The following HMCN1 variants were observed in gnomAD, a reference collection of about 807,000 sequenced individuals.
HMCN1 encodes the protein hemicentin-1.
A neutral mutation model predicts 625.9 loss-of-function variants in HMCN1; 321 were observed. That is an observed-to-expected ratio of 0.51 (90% confidence interval 0.47 to 0.56). The LOEUF (loss-of-function observed/expected upper bound fraction) is 0.56, where lower values mean the gene tolerates loss of function less well. Ranked by LOEUF, HMCN1 falls within the 20% of genes least tolerant of loss-of-function variation. The probability of loss-of-function intolerance (pLI) is 0.00; values close to 1 mark genes in which losing one functional copy is unlikely to be tolerated. For synonymous variants in HMCN1, 2,425 were observed against 2,417.6 expected (o/e 1.00, Z -0.09); for missense variants, 6,588 against 6,887.3 (o/e 0.96, Z 1.54).
At chr1:185,893,018 C>T (rs1015179892) in intron 4 of HMCN1, among the ~76,000 whole-genome samples, 9 of 152,158 alleles carry the variant, frequency 5.9e-5, no homozygotes, top group Non-Finnish European at 8.8e-5. Context: ...CGTGGTGCGC[C>T]GTTTTTTAAG....
Position 186,128,252 on chromosome 1 carries a change from C to A in HMCN1, c.12865C>A (p.Pro4289Thr). 1 of 1,613,414 alleles carries A rather than the reference C, an allele frequency of 6.2e-7. No individual in the cohort carries two copies. The highest frequency in any genetic ancestry group is 8.5e-7 in the Non-Finnish European group (1 of 1,179,618). Residue 4289 changes from proline (P) to threonine (T), a missense_variant, in exon 83 of 107, where the codon CCC becomes ACC. Pro to Thr is a conservative substitution (Grantham distance 38). This residue lies in a region of HMCN1 where 1,954 missense variants were observed against 2,013.1 expected (regional missense o/e 0.97). Transcript: ENST00000271588. ...CTGTAAAGCTACTGGTATTCCATTGCCCAAATTAACATGGACCTTCAATAA... is the reference window on the plus strand; with the variant it reads ...CTGTAAAGCTACTGGTATTCCATTGACCAAATTAACATGGACCTTCAATAA... ...LSCKATGIPL[P>T]KLTWTFNNNI...
Position 186,172,069 on chromosome 1 carries a change from G to T in HMCN1, c.15752G>T (p.Gly5251Val). 1 of 1,613,824 alleles carries T rather than the reference G, an allele frequency of 6.2e-7. No homozygotes were observed. Among genetic ancestry groups the T allele is most frequent in the Non-Finnish European group, 8.5e-7 (1 of 1,179,750 alleles). ...PDQHCKNTRG[G>V]YKCIDLCPNG... ...CAGCACTGTAAGAACACCCGTGGTGGCTATAAGTGCATTGATCTTTGTCCA... is the reference window on the plus strand; with the variant it reads ...CAGCACTGTAAGAACACCCGTGGTGTCTATAAGTGCATTGATCTTTGTCCA... The change falls in exon 102 of 107, where the codon GGC becomes GTC. Residue 5251 changes from glycine to valine, a missense_variant. Coordinates refer to ENST00000271588, the MANE Select transcript of HMCN1 (RefSeq NM_031935.3).
chr1:185,977,332 T>C (rs1651289421), intron 15 of HMCN1, among the ~76,000 whole-genome samples: 1 of 152,144 alleles, frequency 6.6e-6, no homozygotes, highest in Admixed American at 6.6e-5. Flanking sequence ...TGTTATATAG[T>C]GATTATAGAA....
rs1368599080 is a variant in HMCN1, at chr1:186,078,077, G to A, written c.8486-30G>A. ...GGCTTGTGTTCACTCTAAGATTAGA[G>A]GAGTAAACATAGTGGGATATTATTT... On this transcript the variant is annotated intron_variant, in intron 54 of 106. Transcript: ENST00000271588. 6 of 1,486,140 alleles carry A rather than the reference G, an allele frequency of 4.0e-6. No individual in the cohort carries two copies. The Admixed American group carries it at 8.5e-5, about 21-fold the overall frequency. The allele number at this position is 1,486,140 out of a possible 1,614,324, so 92.1% of individuals were successfully genotyped here.
chr1:186,007,631 G>A (rs1653728806), intron 30 of HMCN1, among the ~76,000 whole-genome samples: 1 of 152,204 alleles, frequency 6.6e-6, no homozygotes, highest in African/African-American at 2.4e-5. Context: ...TTATGAAATA[G>A]AATGAAGTTG....
At chr1:185,847,320 C>T (rs1449322754) in intron 2 of HMCN1, among the ~76,000 whole-genome samples, 1 of 152,162 alleles carries the variant, frequency 6.6e-6, no homozygotes, top group African/African-American at 2.4e-5. Context: ...AGCCACCTAA[C>T]TCAAATGGAC....
intron 36 of HMCN1, among the ~76,000 whole-genome samples, chr1:186,027,828 C>T (rs1655159201): frequency 6.6e-6 from 1 of 152,076 alleles, no homozygotes; most frequent in African/African-American, 2.4e-5. Flanking sequence ...AGTAGAGCAC[C>T]CCTTATTTTT....
intron 22 of HMCN1, 51 bp downstream of exon 22, chr1:185,990,494 G>T (rs764156504): frequency 6.7e-7 from 1 of 1,495,414 alleles, no homozygotes; most frequent in Non-Finnish European, 9.3e-7. Flanking sequence ...TCAACCTCTT[G>T]GGACAGATGG....
At chr1:186,068,118 T>G in intron 50 of HMCN1, 111 bp downstream of exon 50, 1 of 1,075,894 alleles carries the variant, frequency 9.3e-7, no homozygotes, top group Non-Finnish European at 1.4e-6. Context: ...TTGGTTGTGT[T>G]ATGTTCTGTG....
Position 186,048,811 on chromosome 1 carries a change from T to G in HMCN1, c.6549T>G (p.Thr2183=). The change falls in exon 42 of 107, where the codon ACT becomes ACG. Residue 2183 remains threonine, a synonymous_variant. Transcript: ENST00000271588. ...AAGCAACAAATGTTGCTGGAAAAACTGAAAAAAACTACAATGTCAACATTT... is the reference window on the plus strand; with the variant it reads ...AAGCAACAAATGTTGCTGGAAAAACGGAAAAAAACTACAATGTCAACATTT... ...TCEATNVAGK[T]EKNYNVNIWV... 1 of 1,610,060 alleles carries G rather than the reference T, an allele frequency of 6.2e-7. No homozygotes were observed. The highest frequency in any genetic ancestry group is 8.5e-7 in the Non-Finnish European group (1 of 1,177,076).
Position 186,041,036 on chromosome 1 carries a change from A to G in HMCN1, c.6204A>G (p.Leu2068=), listed in dbSNP as rs781546424. 31 of 1,612,968 alleles carry G rather than the reference A, an allele frequency of 1.9e-5. No homozygotes were observed. Among genetic ancestry groups the G allele is most frequent in the Non-Finnish European group, 2.6e-5 (31 of 1,179,160 alleles). The change falls in exon 40 of 107, where the codon CTA becomes CTG. Residue 2068 remains leucine (L), a synonymous_variant. Coordinates refer to ENST00000271588, the MANE Select transcript of HMCN1 (RefSeq NM_031935.3). ...AGGTTCTCTCTGGTGGTCGAATCCT[A>G]GCATTGACCAGTGCACAAATCAGCG... ...GLQVLSGGRI[L]ALTSAQISDT...
chr1:185,883,885 T>A (rs1664464050), intron 4 of HMCN1, among the ~76,000 whole-genome samples: 1 of 142,036 alleles, frequency 7.0e-6, no homozygotes, highest in African/African-American at 2.8e-5. Context: ...CATGATTTTT[T>A]TTTTTTTTTT....
intron 4 of HMCN1, among the ~76,000 whole-genome samples, chr1:185,888,358 G>C (rs1403739543): frequency 7.0e-6 from 1 of 143,752 alleles, no homozygotes; most frequent in East Asian, 1.9e-4. Context: ...ATTGCTTTTG[G>C]TGTTTTAGAC....
At chr1:186,151,127 G>A in intron 93 of HMCN1, 73 bp from the exon 94 acceptor site, 3 of 1,424,942 alleles carry the variant, frequency 2.1e-6, no homozygotes, top group Non-Finnish European at 3.0e-6. Context: ...TCTGAATACT[G>A]GCCCTCTTTT....
intron 69 of HMCN1, among the ~76,000 whole-genome samples, chr1:186,104,094 T>TTTA (rs1437041676): frequency 2.0e-5 from 3 of 152,164 alleles, no homozygotes; most frequent in Non-Finnish European, 4.4e-5. Flanking sequence ...TAATGATCAG[T>TTTA]TTAATAAAAT....
intron 2 of HMCN1, among the ~76,000 whole-genome samples, chr1:185,855,096 A>G (rs1263151087): frequency 1.3e-5 from 2 of 152,188 alleles, no homozygotes; most frequent in African/African-American, 2.4e-5. Context: ...CAGAGCAAGT[A>G]TAGGTATGGT....
At chr1:186,011,192 C>T (rs1036027791) in intron 30 of HMCN1, among the ~76,000 whole-genome samples, 9 of 152,032 alleles carry the variant, frequency 5.9e-5, no homozygotes, top group Non-Finnish European at 1.0e-4. Flanking sequence ...ATTACAGGTG[C>T]CCACTACCAT....
At position 185,814,795 on chromosome 1, in the gene HMCN1, G is replaced by A. The variant is rs141683914; in HGVS notation, c.269-31231G>A. 1.6e-3 allele frequency among the ~76,000 whole-genome samples: 243 copies of A among 149,254 alleles called. 28 individuals are homozygous for A. The highest frequency in any genetic ancestry group is 5.8e-3 in the African/African-American group (226 of 38,998). ...CAACTTCCACCTCCTGGGTTCAAGCGATTCTCCTGCCTCAGCCTCCCAAGT... is the reference window on the plus strand; with the variant it reads ...CAACTTCCACCTCCTGGGTTCAAGCAATTCTCCTGCCTCAGCCTCCCAAGT... On this transcript the variant is annotated intron_variant, in intron 1 of 106. Coordinates refer to ENST00000271588, the MANE Select transcript of HMCN1 (RefSeq NM_031935.3).
chr1:185,833,979 G>T (rs9628625), intron 1 of HMCN1, among the ~76,000 whole-genome samples: 34,659 of 151,870 alleles, frequency 0.23, 4,325 homozygotes, highest in Non-Finnish European at 0.28. Flanking sequence ...ACAGATTTTT[G>T]AACACAGAGA....
Sources: gnomAD v4.1 joint callset for allele counts (sites outside exome capture counted in the v4.1 genomes callset) on GRCh38, gnomAD v4.1.1 for gene constraint, gnomAD v4.1.1 regional missense constraint, MANE v1.5 for transcripts, NCBI Gene and HGNC (gene_info 2026-07-23, HGNC 2026-07-21) for gene names.